The following NKAIN2 variants were observed in gnomAD, a reference collection of about 807,000 sequenced individuals.
NKAIN2 encodes the protein sodium/potassium transporting ATPase interacting 2.
Under a neutral mutation model 32.6 loss-of-function variants are expected in NKAIN2, and 14 were observed. That is an observed-to-expected ratio of 0.43 (90% CI 0.28 to 0.67). The LOEUF is 0.67. NKAIN2 is among the 30% of genes least tolerant of loss of function. The probability of loss-of-function intolerance (pLI) is 0.17; values close to 1 mark genes in which losing one functional copy is unlikely to be tolerated. For missense variants in NKAIN2, 198 were observed against 258.3 expected (o/e 0.77, Z 1.60); for synonymous variants, 80 against 87.2 (o/e 0.92, Z 0.46).
At chr6:124,178,886 C>T (rs111539484) in intron 1 of NKAIN2, among the ~76,000 whole-genome samples, 1 of 152,126 alleles carries the variant, frequency 6.6e-6, no homozygotes, top group African/African-American at 2.4e-5. Context: ...TGAATTCAGA[C>T]TTTGAAAGAT....
intron 3 of NKAIN2, among the ~76,000 whole-genome samples, chr6:124,473,410 A>C (rs952361258): frequency 1.3e-5 from 2 of 152,190 alleles, no homozygotes; most frequent in Admixed American, 1.3e-4. Context: ...AAAACATTGC[A>C]CTACTTAATA....
chr6:124,292,051 C>T (rs1158490936), intron 2 of NKAIN2, among the ~76,000 whole-genome samples: 1 of 152,052 alleles, frequency 6.6e-6, no homozygotes, highest in African/African-American at 2.4e-5. Flanking sequence ...TATGCTATCC[C>T]CAGGTAATTT....
At chr6:124,375,161 G>A (rs1583150362) in intron 3 of NKAIN2, among the ~76,000 whole-genome samples, 1 of 151,692 alleles carries the variant, frequency 6.6e-6, no homozygotes, top group African/African-American at 2.4e-5. Context: ...TCTGGTCTAC[G>A]GTCACCTCCT....
chr6:124,818,160 G>T (rs969963736), intron 5 of NKAIN2, among the ~76,000 whole-genome samples: 2 of 152,066 alleles, frequency 1.3e-5, no homozygotes, highest in Non-Finnish European at 2.9e-5. Context: ...ATAAATTCTT[G>T]TAAGGCAATA....
Position 124,621,377 on chromosome 6 carries a change from A to G in NKAIN2, c.274-36809A>G, listed in dbSNP as rs575156788. On this transcript the variant is annotated intron_variant, in intron 3 of 6. Transcript: ENST00000368417. ...ATGTAATTTATTGACTCTTGTAACT[A>G]AAAAGTCTGGGGGATACAGCACAGC... Among the ~76,000 whole-genome samples, 3 of 152,302 alleles carry G rather than the reference A, an allele frequency of 2.0e-5. No individual in the cohort carries two copies. The South Asian group carries it at 6.2e-4, about 32-fold the overall frequency.
At chr6:124,288,652 A>G (rs1426106621) in intron 2 of NKAIN2, among the ~76,000 whole-genome samples, 2 of 152,142 alleles carry the variant, frequency 1.3e-5, no homozygotes, top group Non-Finnish European at 2.9e-5. Context: ...ACATATATGC[A>G]TATGTACACA....
At chr6:124,278,073 A>G (rs1014384685) in intron 1 of NKAIN2, among the ~76,000 whole-genome samples, 1 of 152,208 alleles carries the variant, frequency 6.6e-6, no homozygotes, top group Non-Finnish European at 1.5e-5. Flanking sequence ...GCAATTTCTT[A>G]AGGAGACCAA....
At chr6:123,851,541 A>G (rs1241683150) in intron 1 of NKAIN2, among the ~76,000 whole-genome samples, 1 of 151,982 alleles carries the variant, frequency 6.6e-6, no homozygotes, top group African/African-American at 2.4e-5. Flanking sequence ...ATGAGCCACC[A>G]CGCCCAGCTG....
At chr6:124,442,296 T>C (rs1775722908) in intron 3 of NKAIN2, among the ~76,000 whole-genome samples, 1 of 152,110 alleles carries the variant, frequency 6.6e-6, no homozygotes, top group Admixed American at 6.6e-5. Flanking sequence ...TGTTAACCAT[T>C]GGAGAATTGC....
At chr6:124,176,715 T>C (rs1789173848) in intron 1 of NKAIN2, among the ~76,000 whole-genome samples, 2 of 92,896 alleles carry the variant, frequency 2.2e-5, no homozygotes, top group Non-Finnish European at 3.2e-5. Context: ...CAAAATTATA[T>C]GTCTGTGCTG....
At chr6:124,376,323 C>T (rs1377002825) in intron 3 of NKAIN2, among the ~76,000 whole-genome samples, 1 of 151,950 alleles carries the variant, frequency 6.6e-6, no homozygotes, top group Non-Finnish European at 1.5e-5. Flanking sequence ...GCACTGAAAT[C>T]AACAATTTTT....
chr6:124,684,466 A>G (rs1447427024), intron 4 of NKAIN2, among the ~76,000 whole-genome samples: 4 of 152,198 alleles, frequency 2.6e-5, no homozygotes, highest in African/African-American at 9.6e-5. Flanking sequence ...ATGCAAATTA[A>G]ACTTTGATGT....
At chr6:124,164,730 G>A (rs761223543) in intron 1 of NKAIN2, among the ~76,000 whole-genome samples, 2 of 151,828 alleles carry the variant, frequency 1.3e-5, no homozygotes, top group Admixed American at 6.6e-5. Context: ...TTAAACTGGC[G>A]GTCGTATTAC....
At chr6:124,627,462 G>A (rs1050018584) in intron 3 of NKAIN2, among the ~76,000 whole-genome samples, 1 of 152,118 alleles carries the variant, frequency 6.6e-6, no homozygotes, top group Admixed American at 6.6e-5. Flanking sequence ...GGATGTTCAA[G>A]CCTGCTCCTG....
At chr6:124,537,335 G>T (rs1480061993) in intron 3 of NKAIN2, among the ~76,000 whole-genome samples, 1 of 152,178 alleles carries the variant, frequency 6.6e-6, no homozygotes, top group Non-Finnish European at 1.5e-5. Context: ...TGATGAAATT[G>T]ATTTTAAGTA....
chr6:124,124,237 T>C (rs1786038271), intron 1 of NKAIN2, among the ~76,000 whole-genome samples: 2 of 152,194 alleles, frequency 1.3e-5, no homozygotes, highest in African/African-American at 2.4e-5. Context: ...GAAGATTTTA[T>C]AGCACCTGCA....
chr6:124,278,450 A>G (rs1330047323), intron 1 of NKAIN2, among the ~76,000 whole-genome samples: 1 of 151,936 alleles, frequency 6.6e-6, no homozygotes, highest in East Asian at 1.9e-4. Context: ...TGTCCTTAAT[A>G]GCACTTATCA....
At chr6:124,482,823 T>C (rs973943971) in intron 3 of NKAIN2, among the ~76,000 whole-genome samples, 7 of 152,188 alleles carry the variant, frequency 4.6e-5, no homozygotes, top group Non-Finnish European at 1.0e-4. Context: ...ATAACAATGG[T>C]GATCAACTAT....
intron 2 of NKAIN2, among the ~76,000 whole-genome samples, chr6:124,341,045 A>C (rs1798090864): frequency 6.6e-6 from 1 of 152,188 alleles, no homozygotes; most frequent in Admixed American, 6.5e-5. Context: ...TATGTTCATT[A>C]AAATAATGCC....
Sources: allele counts gnomAD v4.1 joint callset (sites outside exome capture counted in the v4.1 genomes callset), GRCh38; gene constraint gnomAD v4.1.1; transcripts MANE v1.5; gene names NCBI Gene and HGNC (gene_info 2026-07-23, HGNC 2026-07-21).